LIPA: variants seen among roughly 807,000 people sequenced by gnomAD.
LIPA encodes lysosomal acid lipase/cholesteryl ester hydrolase.
LIPA carries 26 observed loss-of-function variants against 40.6 expected under a neutral mutation model. The ratio of observed to expected loss-of-function variants is 0.64; its 90% CI spans 0.47 to 0.89. The LOEUF (loss-of-function observed/expected upper bound fraction) is 0.89, where lower values mean the gene tolerates loss of function less well. LIPA is among the 40% of genes least tolerant of loss of function. The pLI is 0.00. For synonymous variants in LIPA, 188 were observed against 168.4 expected (o/e 1.12, Z -0.90); for missense variants, 455 against 479.6 (o/e 0.95, Z 0.48).
chr10:89,316,617 C>T (rs1843542976), intron 1 of LIPA, among the ~76,000 whole-genome samples: 1 of 152,244 alleles, frequency 6.6e-6, no homozygotes, highest in South Asian at 2.1e-4. Flanking sequence ...GCCTGCCTGC[C>T]TCTATAGACT....
chr10:89,306,865 G>C, intron 1 of LIPA: 2 of 1,614,110 alleles, frequency 1.2e-6, no homozygotes, highest in South Asian at 1.1e-5. Context: ...ATCTAAGAGA[G>C]AATGGAATGT....
chr10:89,407,422 G>A (rs1293951677), intron 2 of LIPA, among the ~76,000 whole-genome samples: 3 of 151,936 alleles, frequency 2.0e-5, no homozygotes, highest in African/African-American at 7.3e-5. Flanking sequence ...CCATCTTTAG[G>A]CACCCAGGCT....
At chr10:89,237,461 A>C (rs1576818) in intron 3 of LIPA, among the ~76,000 whole-genome samples, 1 of 151,568 alleles carries the variant, frequency 6.6e-6, no homozygotes, top group East Asian at 1.9e-4. Context: ...AACAAAAAAA[A>C]ATATATATAT....
chr10:89,379,443 G>T (rs1377397439), intron 2 of LIPA, among the ~76,000 whole-genome samples: 1 of 152,074 alleles, frequency 6.6e-6, no homozygotes, highest in Non-Finnish European at 1.5e-5. Flanking sequence ...TGTAGGCATT[G>T]TGATATGTTT....
chr10:89,320,033 A>C (rs1425816119), intron 1 of LIPA, among the ~76,000 whole-genome samples: 1 of 152,052 alleles, frequency 6.6e-6, no homozygotes, highest in Non-Finnish European at 1.5e-5. Context: ...CATGCTAAAA[A>C]CTCTCAATAA....
At chr10:89,258,184 G>A (rs1408210067) in intron 1 of LIPA, among the ~76,000 whole-genome samples, 2 of 152,160 alleles carry the variant, frequency 1.3e-5, no homozygotes, top group South Asian at 2.1e-4. Context: ...ACAATTCAAT[G>A]GGGAAAGAAT....
At chr10:89,403,626 G>A in intron 2 of LIPA, 1 of 1,614,086 alleles carries the variant, frequency 6.2e-7, no homozygotes, top group Non-Finnish European at 8.5e-7. Flanking sequence ...CAAATTGGAA[G>A]GAAATATGAA....
intron 2 of LIPA, chr10:89,403,265 A>T: frequency 6.2e-7 from 1 of 1,614,246 alleles, no homozygotes; most frequent in South Asian, 1.1e-5. Flanking sequence ...TTCATTTTGA[A>T]TCTGCAGTGG....
chr10:89,296,606 C>T (rs950629743), intron 1 of LIPA, among the ~76,000 whole-genome samples: 1 of 152,044 alleles, frequency 6.6e-6, no homozygotes, highest in East Asian at 1.9e-4. Flanking sequence ...GCTGTGCATC[C>T]TAATCAAAGG....
intron 2 of LIPA, among the ~76,000 whole-genome samples, chr10:89,382,715 T>G (rs1252654483): frequency 6.6e-6 from 1 of 152,236 alleles, no homozygotes; most frequent in Admixed American, 6.5e-5. Flanking sequence ...TCCACCCACT[T>G]GGAACCCCTC....
intron 2 of LIPA, chr10:89,377,994 G>A (rs1844134555): frequency 2.8e-6 from 2 of 715,262 alleles, no homozygotes; most frequent in Non-Finnish European, 4.9e-6. Flanking sequence ...GGCATCAAGG[G>A]TGTAAAAAAC....
chr10:89,357,925 C>T (rs888126386), intron 2 of LIPA, among the ~76,000 whole-genome samples: 1 of 152,094 alleles, frequency 6.6e-6, no homozygotes, highest in Non-Finnish European at 1.5e-5. Flanking sequence ...TTCCTCTTTT[C>T]CTGTTTGGTT....
In LIPA at chr10:89,213,935, G is replaced by A. The variant is rs1163469591; in HGVS notation, c.*893C>T. On this transcript the variant is annotated 3_prime_UTR_variant, in exon 10 of 10. Transcript: ENST00000336233. ...AAAATGAACAAGGACACTTCTCATG[G>A]GCAACCACGGGGCTTTGGCTTCACA... 2.0e-5 allele frequency: 3 copies of A among 152,112 alleles called. No homozygotes were observed. The highest frequency in any genetic ancestry group is 2.9e-5 in the Non-Finnish European group (2 of 68,024). 9.4% of individuals were successfully genotyped at this position (152,112 alleles called of 1,614,324 possible). A position where few individuals can be genotyped will look rare whatever the true frequency, so the allele number is the denominator to read the frequency against.
chr10:89,293,679 TGAGAGAGAGAGAGAGAGAGA>T (rs72229492), intron 1 of LIPA: 4 of 145,106 alleles, frequency 2.8e-5, no homozygotes, highest in African/African-American at 1.0e-4. Context: ...CTGTGTGAGA[TGAGAGAGAGAGAGAGAGAGA>T]GAGAGAGAGA....
intron 1 of LIPA, among the ~76,000 whole-genome samples, chr10:89,301,786 A>G (rs1843446425): frequency 6.6e-6 from 1 of 152,222 alleles, no homozygotes; most frequent in Non-Finnish European, 1.5e-5. Context: ...AGTGCACAAG[A>G]GCAATGTCCC....
chr10:89,301,430 T>C (rs1362729017), intron 1 of LIPA, among the ~76,000 whole-genome samples: 1 of 152,234 alleles, frequency 6.6e-6, no homozygotes, highest in Non-Finnish European at 1.5e-5. Flanking sequence ...GATGGGTTAA[T>C]ATGGTAATCA....
chr10:89,302,597 T>C (rs1843452279), intron 1 of LIPA, among the ~76,000 whole-genome samples: 1 of 152,220 alleles, frequency 6.6e-6, no homozygotes, highest in South Asian at 2.1e-4. Flanking sequence ...CCCCACTTCC[T>C]GCAAAGGTGA....
chr10:89,247,297 C>T (rs1454513623), intron 2 of LIPA, among the ~76,000 whole-genome samples: 2 of 143,646 alleles, frequency 1.4e-5, no homozygotes, highest in Non-Finnish European at 3.0e-5. Context: ...ACTTGAGCCC[C>T]TGAGGCGGAG....
upstream of LIPA, among the ~76,000 whole-genome samples, chr10:89,252,379 AAACC>A (rs1215214884): frequency 6.6e-6 from 1 of 152,240 alleles, no homozygotes; most frequent in Admixed American, 6.5e-5. Context: ...GGAGGTATAG[AAACC>A]AACCAAACAA....
Sources: allele counts gnomAD v4.1 joint callset (sites outside exome capture counted in the v4.1 genomes callset), GRCh38; gene constraint gnomAD v4.1.1; transcripts MANE v1.5; gene names NCBI Gene and HGNC (gene_info 2026-07-23, HGNC 2026-07-21).